Variants in TRPM3 observed in about 807,000 individuals in gnomAD.
TRPM3 encodes long transient receptor potential channel 3.
Under a neutral mutation model 181.2 loss-of-function variants are expected in TRPM3, and 77 were observed. That is an observed-to-expected ratio of 0.42 (90% confidence interval 0.35 to 0.51). The LOEUF is 0.51. Ranked by LOEUF, TRPM3 falls within the 20% of genes least tolerant of loss-of-function variation. The pLI is 0.01. For synonymous variants in TRPM3, 745 were observed against 796.4 expected (o/e 0.94, Z 1.09); for missense variants, 1,759 against 2,196.7 (o/e 0.80, Z 3.98).
chr9:71,037,517 G>A (rs976428337), intron 1 of TRPM3, among the ~76,000 whole-genome samples: 7 of 152,266 alleles, frequency 4.6e-5, no homozygotes, highest in African/African-American at 9.6e-5. Flanking sequence ...ACACTTATAC[G>A]TGTGTGTGTG....
intron 19 of TRPM3, among the ~76,000 whole-genome samples, chr9:70,606,651 G>GTGTGTGTGTGTGTATATATA (rs145779027): frequency 9.9e-5 from 14 of 140,738 alleles, no homozygotes; most frequent in African/African-American, 3.4e-4. Context: ...GTGTGTGTGT[G>GTGTGTGTGTGTGTATATATA]TATATATATA....
At chr9:70,866,688 A>G (rs534651807) in intron 1 of TRPM3, among the ~76,000 whole-genome samples, 1 of 152,126 alleles carries the variant, frequency 6.6e-6, no homozygotes, top group African/African-American at 2.4e-5. Flanking sequence ...GCTGGCCACT[A>G]ACAAGATATA....
At chr9:70,879,637 A>C (rs2095945645) in intron 1 of TRPM3, among the ~76,000 whole-genome samples, 1 of 152,106 alleles carries the variant, frequency 6.6e-6, no homozygotes, top group South Asian at 2.1e-4. Flanking sequence ...ATCTGGTAGA[A>C]CTTCAATAAA....
At chr9:71,389,754 G>A (rs186674334) in intron 1 of TRPM3, among the ~76,000 whole-genome samples, 159 of 152,242 alleles carry the variant, frequency 1.0e-3, no homozygotes, top group Admixed American at 3.1e-3. Context: ...AAGACCATAT[G>A]TTCTCACTGA....
chr9:71,269,340 A>C (rs1412243596), intron 1 of TRPM3, among the ~76,000 whole-genome samples: 3 of 152,194 alleles, frequency 2.0e-5, no homozygotes. Context: ...TTCTGTTACC[A>C]TTGAAATGTT....
intron 1 of TRPM3, among the ~76,000 whole-genome samples, chr9:70,972,834 A>C (rs969332257): frequency 6.6e-6 from 1 of 152,114 alleles, no homozygotes; most frequent in South Asian, 2.1e-4. Context: ...TGATCCACCA[A>C]TATTTATTAT....
intron 1 of TRPM3, among the ~76,000 whole-genome samples, chr9:71,177,523 A>G (rs1474269294): frequency 1.3e-5 from 2 of 152,274 alleles, no homozygotes; most frequent in East Asian, 3.9e-4. Context: ...CCAAGGATGC[A>G]TGCATTTCTC....
At chr9:71,124,707 G>A (rs1043967041), upstream of TRPM3, among the ~76,000 whole-genome samples, 5 of 152,068 alleles carry the variant, frequency 3.3e-5, no homozygotes, top group Admixed American at 1.3e-4. Flanking sequence ...TGAAGACCAC[G>A]TTCCTTCTCT....
chr9:71,325,226 A>C (rs1454230900), intron 1 of TRPM3, among the ~76,000 whole-genome samples: 9 of 152,192 alleles, frequency 5.9e-5, no homozygotes, highest in Admixed American at 1.3e-4. Flanking sequence ...CTCTAACACA[A>C]GATATTAAAA....
chr9:71,108,806 G>T (rs1178552316), intron 1 of TRPM3, among the ~76,000 whole-genome samples: 2 of 152,144 alleles, frequency 1.3e-5, no homozygotes, highest in East Asian at 1.9e-4. Flanking sequence ...TTTTATTTAA[G>T]TTATCATGAG....
intron 1 of TRPM3, among the ~76,000 whole-genome samples, chr9:71,368,592 A>G (rs1288561015): frequency 6.6e-6 from 1 of 152,150 alleles, no homozygotes; most frequent in Non-Finnish European, 1.5e-5. Flanking sequence ...AATTGAATGA[A>G]TTTTATAATG....
intron 1 of TRPM3, among the ~76,000 whole-genome samples, chr9:71,156,004 A>G (rs1483897466): frequency 1.3e-5 from 2 of 152,138 alleles, no homozygotes; most frequent in African/African-American, 2.4e-5. Flanking sequence ...TACCTAATAC[A>G]TCCAAATGTA....
At chr9:70,610,096 G>GTGT (rs933139752) in intron 19 of TRPM3, among the ~76,000 whole-genome samples, 2 of 152,154 alleles carry the variant, frequency 1.3e-5, no homozygotes, top group African/African-American at 4.8e-5. Context: ...ATTGTTAATT[G>GTGT]TGTTGGAACA....
chr9:71,051,848 G>T (rs1234657060), intron 1 of TRPM3, among the ~76,000 whole-genome samples: 1 of 152,024 alleles, frequency 6.6e-6, no homozygotes, highest in African/African-American at 2.4e-5. Flanking sequence ...ATATATATCT[G>T]AAATCAGAAT....
chr9:70,598,295 A>G, intron 21 of TRPM3, 124 bp downstream of exon 21: 3 of 1,298,146 alleles, frequency 2.3e-6, no homozygotes, highest in Non-Finnish European at 3.2e-6. Context: ...TCATAAAATA[A>G]AACACCTCTA....
intron 1 of TRPM3, among the ~76,000 whole-genome samples, chr9:71,050,748 A>G (rs2059978301): frequency 6.6e-6 from 1 of 151,938 alleles, no homozygotes; most frequent in Non-Finnish European, 1.5e-5. Flanking sequence ...AATGGGCCCA[A>G]GCCCACGGAA....
chr9:70,532,342 C>T lies in TRPM3; in HGVS notation c.*3611G>A, dbSNP rs1056400910. On this transcript the variant is annotated 3_prime_UTR_variant, in exon 26 of 26. Transcript: ENST00000677713. ...AACACATTTTGTGTTTTTATGAGTA[C>T]ATTTTTCTCGTTTGATTATTCTTAT... 3 of 152,138 alleles carry T rather than the reference C, an allele frequency of 2.0e-5. No homozygotes were observed. Among genetic ancestry groups the T allele is most frequent in the Admixed American group, 6.5e-5 (1 of 15,272 alleles). 9.4% of individuals were successfully genotyped at this position (152,138 alleles called of 1,614,324 possible).
At chr9:70,621,161 A>G in intron 15 of TRPM3, 83 bp downstream of exon 15, 2 of 537,604 alleles carry the variant, frequency 3.7e-6, no homozygotes, top group Non-Finnish European at 5.4e-6. Context: ...ATTATTTTAT[A>G]TATATACTAT....
intron 8 of TRPM3, among the ~76,000 whole-genome samples, chr9:70,751,293 GAT>G (rs990249179): frequency 6.6e-6 from 1 of 152,056 alleles, no homozygotes; most frequent in Non-Finnish European, 1.5e-5. Context: ...ATTAATATCA[GAT>G]GAAATGAAAT....
Sources: allele counts gnomAD v4.1 joint callset (sites outside exome capture counted in the v4.1 genomes callset), GRCh38; gene constraint gnomAD v4.1.1; transcripts MANE v1.5; gene names NCBI Gene and HGNC (gene_info 2026-07-23, HGNC 2026-07-21).